CNTN5: variants seen among roughly 807,000 people sequenced by gnomAD.
CNTN5 encodes the protein contactin-5.
CNTN5 carries 77 observed loss-of-function variants against 129.1 expected under a neutral mutation model. The ratio of observed to expected loss-of-function variants is 0.60; its 90% CI spans 0.50 to 0.72. CNTN5 has a LOEUF of 0.72. Ranked by LOEUF, CNTN5 falls within the 30% of genes least tolerant of loss-of-function variation. CNTN5 has a pLI of 0.00. For missense variants in CNTN5, 1,478 were observed against 1,328.8 expected (o/e 1.11, Z -1.75); for synonymous variants, 509 against 465.6 (o/e 1.09, Z -1.20).
intron 3 of CNTN5, among the ~76,000 whole-genome samples, chr11:99,720,122 T>C (rs1943121949): frequency 6.6e-6 from 1 of 152,082 alleles, no homozygotes; most frequent in Non-Finnish European, 1.5e-5. Flanking sequence ...TCTGGTACTA[T>C]AGAAACTATT....
chr11:99,597,612 A>G (rs578051607), intron 3 of CNTN5, among the ~76,000 whole-genome samples: 2 of 152,126 alleles, frequency 1.3e-5, no homozygotes, highest in African/African-American at 2.4e-5. Context: ...GGTACTGGTT[A>G]TATCTAGCTG....
At chr11:100,301,928 T>C (rs1413060408) in intron 20 of CNTN5, among the ~76,000 whole-genome samples, 1 of 151,608 alleles carries the variant, frequency 6.6e-6, no homozygotes, top group African/African-American at 2.4e-5. Flanking sequence ...TCCCAACACA[T>C]TGGGAGGTTG....
intron 1 of CNTN5, among the ~76,000 whole-genome samples, chr11:99,117,154 A>T (rs1351622861): frequency 1.3e-5 from 2 of 152,200 alleles, no homozygotes. Context: ...AGTTTGAGTA[A>T]GGTTTGCTGT....
At chr11:99,226,398 C>T (rs1306334208) in intron 1 of CNTN5, among the ~76,000 whole-genome samples, 3 of 152,150 alleles carry the variant, frequency 2.0e-5, no homozygotes, top group African/African-American at 7.2e-5. Context: ...CCTGTACAAA[C>T]AGGTGACTTT....
intron 1 of CNTN5, among the ~76,000 whole-genome samples, chr11:99,222,589 T>C (rs568702581): frequency 1.3e-5 from 2 of 152,250 alleles, no homozygotes; most frequent in South Asian, 2.1e-4. Context: ...CAAAGCAGCA[T>C]AGCATTTTTC....
At chr11:99,718,174 T>TATG (rs141439813) in intron 3 of CNTN5, among the ~76,000 whole-genome samples, 8,448 of 152,194 alleles carry the variant, frequency 0.056, 323 homozygotes, top group East Asian at 0.13. Flanking sequence ...CCTCACTCTT[T>TATG]ATGATTGTTA....
intron 6 of CNTN5, among the ~76,000 whole-genome samples, chr11:99,904,016 G>T (rs1192062661): frequency 2.6e-5 from 4 of 152,142 alleles, no homozygotes; most frequent in Non-Finnish European, 5.9e-5. Context: ...TATAACAGAT[G>T]CTGGTGAGGA....
chr11:99,626,282 A>G (rs573160491), intron 3 of CNTN5, among the ~76,000 whole-genome samples: 1 of 152,222 alleles, frequency 6.6e-6, no homozygotes, highest in African/African-American at 2.4e-5. Context: ...TTGGATCCAA[A>G]TTGTTCAGTG....
intron 8 of CNTN5, among the ~76,000 whole-genome samples, chr11:99,965,077 G>A (rs188944137): frequency 1.3e-5 from 2 of 152,228 alleles, no homozygotes; most frequent in Non-Finnish European, 2.9e-5. Flanking sequence ...CTTGCTAGCG[G>A]TCTATTAATT....
At chr11:100,159,408 C>T (rs1310955268) in intron 13 of CNTN5, among the ~76,000 whole-genome samples, 4 of 151,804 alleles carry the variant, frequency 2.6e-5, no homozygotes, top group African/African-American at 4.8e-5. Flanking sequence ...CAAAACTGCT[C>T]TATTACTGCT....
intron 3 of CNTN5, among the ~76,000 whole-genome samples, chr11:99,715,226 G>A (rs1416227536): frequency 6.6e-6 from 1 of 151,946 alleles, no homozygotes; most frequent in Admixed American, 6.6e-5. Flanking sequence ...AACTCTTGGA[G>A]TTTCGCAATT....
At chr11:99,264,773 T>A (rs1374308058) in intron 1 of CNTN5, among the ~76,000 whole-genome samples, 1 of 152,130 alleles carries the variant, frequency 6.6e-6, no homozygotes. Context: ...TGTATTAGTA[T>A]AAGATATTGT....
chr11:99,808,221 T>C (rs1331575288), intron 3 of CNTN5, among the ~76,000 whole-genome samples: 1 of 152,196 alleles, frequency 6.6e-6, no homozygotes, highest in Non-Finnish European at 1.5e-5. Flanking sequence ...GTGCAAATAC[T>C]ATGGATGAGG....
At chr11:99,869,974 G>A (rs1260000822) in intron 6 of CNTN5, among the ~76,000 whole-genome samples, 39 of 152,018 alleles carry the variant, frequency 2.6e-4, no homozygotes, top group Non-Finnish European at 4.4e-5. Flanking sequence ...GTCTGGAAAT[G>A]GAAATGCTGA....
chr11:99,540,054 A>C (rs1393529023), intron 2 of CNTN5, among the ~76,000 whole-genome samples: 3 of 152,196 alleles, frequency 2.0e-5, no homozygotes, highest in Non-Finnish European at 4.4e-5. Context: ...GAAAATGTGA[A>C]CAAGTCCCAC....
intron 13 of CNTN5, among the ~76,000 whole-genome samples, chr11:100,185,778 G>A (rs923372679): frequency 1.3e-5 from 2 of 152,156 alleles, no homozygotes; most frequent in African/African-American, 4.8e-5. Flanking sequence ...CCACACATGT[G>A]CACTGAGGAA....
chr11:99,919,480 A>C (rs1949880246), intron 7 of CNTN5, among the ~76,000 whole-genome samples: 1 of 152,088 alleles, frequency 6.6e-6, no homozygotes. Context: ...TTTACAGTAA[A>C]ACTTCAAAAA....
intron 1 of CNTN5, among the ~76,000 whole-genome samples, chr11:99,062,112 T>C (rs1864908296): frequency 1.3e-5 from 2 of 152,036 alleles, no homozygotes; most frequent in Admixed American, 1.3e-4. Context: ...TTATTCAAGA[T>C]GAAGAAAAAA....
At chr11:99,127,599 G>A (rs908028975) in intron 1 of CNTN5, among the ~76,000 whole-genome samples, 11 of 152,142 alleles carry the variant, frequency 7.2e-5, no homozygotes, top group African/African-American at 2.2e-4. Flanking sequence ...TCTCTGGTCG[G>A]TGTTCTAGCG....
Sources: allele counts gnomAD v4.1 joint callset (sites outside exome capture counted in the v4.1 genomes callset), GRCh38; gene constraint gnomAD v4.1.1; transcripts MANE v1.5; gene names NCBI Gene and HGNC (gene_info 2026-07-23, HGNC 2026-07-21).